The following MTUS1 variants were observed in gnomAD, a reference collection of about 807,000 sequenced individuals.
The protein encoded by MTUS1 is microtubule associated scaffold protein 1.
Under a neutral mutation model 120.8 loss-of-function variants are expected in MTUS1, and 109 were observed. That is an observed-to-expected ratio of 0.90 (90% CI 0.77 to 1.06). MTUS1 has a LOEUF of 1.06. MTUS1 is among the 50% of genes least tolerant of loss of function. The probability of loss-of-function intolerance (pLI) is 0.00; values close to 1 mark genes in which losing one functional copy is unlikely to be tolerated. For missense variants in MTUS1, 2,210 were observed against 1,486.3 expected, an observed-to-expected ratio of 1.49 and a Z score of -8.01; for synonymous variants, 737 against 550.5, an observed-to-expected ratio of 1.34 and a Z score of -4.74.
At chr8:17,760,242 A>G (rs13255393) in intron 1 of MTUS1, among the ~76,000 whole-genome samples, 1 of 152,022 alleles carries the variant, frequency 6.6e-6, no homozygotes, top group African/African-American at 2.4e-5. Context: ...AAATAAAACA[A>G]ATTTCAAATT....
At chr8:17,680,462 CGCAAAAAAAAAAAAAAAAAA>C (rs1349780528) in intron 7 of MTUS1, among the ~76,000 whole-genome samples, 4 of 92,198 alleles carry the variant, frequency 4.3e-5, no homozygotes, top group Non-Finnish European at 8.3e-5. Flanking sequence ...AGGCCACTGT[CGCAAAAAAAAAAAAAAAAAA>C]AAAAAAAAAA....
chr8:17,760,009 G>A (rs796609617), intron 1 of MTUS1, among the ~76,000 whole-genome samples: 3 of 150,812 alleles, frequency 2.0e-5, no homozygotes, highest in African/African-American at 7.3e-5. Context: ...AGGAGTTCAA[G>A]ACTAGCCTGG....
intron 6 of MTUS1, among the ~76,000 whole-genome samples, chr8:17,701,488 A>T (rs1313231882): frequency 2.6e-5 from 4 of 152,226 alleles, no homozygotes; most frequent in African/African-American, 4.8e-5. Flanking sequence ...AATTAAAAGC[A>T]GTAATGCTTT....
intron 13 of MTUS1, among the ~76,000 whole-genome samples, chr8:17,649,096 A>AT (rs11386214): frequency 0.68 from 103,338 of 151,122 alleles, 35,407 homozygotes; most frequent in Middle Eastern, 0.74. Flanking sequence ...TTATAGCACA[A>AT]TTTTTTTTTT....
In MTUS1 at chr8:17,653,166, A is replaced by G. The variant is rs1211654108; in HGVS notation, c.3384+20T>C. 2.2e-6 allele frequency: 3 copies of G among 1,393,554 alleles called. No homozygotes were observed. The highest frequency in any genetic ancestry group is 2.9e-6 in the Non-Finnish European group (3 of 1,020,632). The allele number at this position is 1,393,554 out of a possible 1,614,324, so 86.3% of individuals were successfully genotyped here. On this transcript the variant is annotated intron_variant, in intron 12 of 14. Coordinates refer to ENST00000693296, the MANE Select transcript of MTUS1 (RefSeq NM_001363059.2). Reference sequence around the variant, plus strand: ...TGAGAAGAAAAATTCCATACTGATAAAGGAGCACACACAACTTACCAAATT... The same window carrying G: ...TGAGAAGAAAAATTCCATACTGATAGAGGAGCACACACAACTTACCAAATT...
In MTUS1 at chr8:17,697,378, G is replaced by A. The variant is rs754224678; in HGVS notation, c.2624-12836C>T. ...AGGAGAATTTGGGAGACAACAACAT[G>A]TCTTCGGAGCAGGTGGCGAGATTTC... On this transcript the variant is annotated intron_variant, in intron 6 of 14. Transcript: ENST00000693296. 11 of 1,613,872 alleles carry A rather than the reference G, an allele frequency of 6.8e-6. No homozygotes were observed. In the South Asian group the frequency reaches 1.2e-4, roughly 18 times the overall value.
rs6986003 is a variant in MTUS1, at chr8:17,685,012, T to C, written c.2624-470A>G. Among the ~76,000 whole-genome samples, 407 of 152,326 alleles carry C rather than the reference T, an allele frequency of 2.7e-3. 3 individuals carry two copies. Among genetic ancestry groups the C allele is most frequent in the African/African-American group, 8.9e-3 (371 of 41,576 alleles). On this transcript the variant is annotated intron_variant, in intron 6 of 14. Transcript: ENST00000693296. ...AAATCTTTTACCTTTTCCCTGATGA[T>C]GGCCTAGCCATTACACAGATTTATA... is the stretch of plus-strand genomic sequence containing the variant.
chr8:17,689,250 A>T (rs1276768969), intron 6 of MTUS1, among the ~76,000 whole-genome samples: 1 of 152,104 alleles, frequency 6.6e-6, no homozygotes, highest in East Asian at 1.9e-4. Flanking sequence ...CCCCAAGCCA[A>T]GCCCAATTAT....
At chr8:17,692,753 G>C (rs572374082) in intron 6 of MTUS1, among the ~76,000 whole-genome samples, 2 of 152,042 alleles carry the variant, frequency 1.3e-5, no homozygotes, top group East Asian at 3.9e-4. Flanking sequence ...GAAATCATCT[G>C]TACAATAAAC....
chr8:17,679,565 G>C (rs554287348), intron 7 of MTUS1, among the ~76,000 whole-genome samples: 1 of 151,522 alleles, frequency 6.6e-6, no homozygotes, highest in Admixed American at 6.6e-5. Context: ...GCGGTGGTGC[G>C]ATCTTGGCTC....
intron 6 of MTUS1, chr8:17,706,124 G>A (rs1820110633): frequency 6.6e-6 from 1 of 151,926 alleles, no homozygotes; most frequent in South Asian, 2.1e-4. Flanking sequence ...CAACTTCCTG[G>A]AAAAGAACCC....
chr8:17,659,303 T>C (rs186420002), intron 8 of MTUS1, among the ~76,000 whole-genome samples: 18 of 152,248 alleles, frequency 1.2e-4, no homozygotes, highest in African/African-American at 4.3e-4. Flanking sequence ...AGGCCAGACC[T>C]TGGGGCCCAG....
intron 2 of MTUS1, among the ~76,000 whole-genome samples, chr8:17,746,254 A>G (rs1256423651): frequency 6.6e-6 from 1 of 152,166 alleles, no homozygotes; most frequent in Non-Finnish European, 1.5e-5. Context: ...GTACACTGGT[A>G]CATCCAAATC....
intron 6 of MTUS1, among the ~76,000 whole-genome samples, chr8:17,698,229 G>A (rs1818353595): frequency 2.0e-5 from 3 of 152,178 alleles, no homozygotes; most frequent in Admixed American, 1.3e-4. Context: ...TTTATTGCAT[G>A]AGTAATTGCA....
intron 1 of MTUS1, chr8:17,770,691 T>C (rs1367602397): frequency 6.6e-6 from 1 of 152,224 alleles, no homozygotes; most frequent in Non-Finnish European, 1.5e-5. Context: ...ACGACTTTTT[T>C]ATTCTTCCAA....
At chr8:17,693,620 A>G (rs1011069100) in intron 6 of MTUS1, among the ~76,000 whole-genome samples, 1 of 152,174 alleles carries the variant, frequency 6.6e-6, no homozygotes, top group Non-Finnish European at 1.5e-5. Flanking sequence ...TCTCTGTCGG[A>G]AACACTTTGT....
intron 2 of MTUS1, among the ~76,000 whole-genome samples, chr8:17,750,983 C>A (rs1202964020): frequency 6.6e-6 from 1 of 152,212 alleles, no homozygotes; most frequent in Non-Finnish European, 1.5e-5. Context: ...TCAGTAAACT[C>A]AAGGCCTAAG....
chr8:17,760,215 TA>T (rs1446715234), intron 1 of MTUS1, among the ~76,000 whole-genome samples: 1 of 151,788 alleles, frequency 6.6e-6, no homozygotes, highest in Admixed American at 6.6e-5. Flanking sequence ...CTATCACTAT[TA>T]AAAGAAAACA....
chr8:17,762,040 G>C (rs1015987213), intron 1 of MTUS1, among the ~76,000 whole-genome samples: 1 of 152,190 alleles, frequency 6.6e-6, no homozygotes, highest in Non-Finnish European at 1.5e-5. Flanking sequence ...AAGACTTTGG[G>C]AAGCCGAGGT....
Sources: gnomAD v4.1 joint callset for allele counts (sites outside exome capture counted in the v4.1 genomes callset) on GRCh38, gnomAD v4.1.1 for gene constraint, MANE v1.5 for transcripts, NCBI Gene and HGNC (gene_info 2026-07-23, HGNC 2026-07-21) for gene names.